ZDHHC23: variants seen among roughly 807,000 people sequenced by gnomAD.
ZDHHC23 encodes zDHHC palmitoyltransferase 23.
ZDHHC23 carries 41 observed loss-of-function variants against 40.2 expected under a neutral mutation model. The observed-to-expected ratio is 1.02, with a 90% confidence interval of 0.79 to 1.32. ZDHHC23 has a LOEUF of 1.32. ZDHHC23 is among the 40% of genes most tolerant of loss of function. The pLI is 0.00. For synonymous variants in ZDHHC23, 204 were observed against 210.2 expected (o/e 0.97, Z 0.26); for missense variants, 471 against 541.5 (o/e 0.87, Z 1.29).
At position 113,954,288 on chromosome 3, in the gene ZDHHC23, T is replaced by A; in HGVS notation, c.750T>A (p.Ala250=). 2 of 1,614,076 alleles carry A rather than the reference T, an allele frequency of 1.2e-6. No individual in the cohort carries two copies. Among genetic ancestry groups the A allele is most frequent in the South Asian group, 2.2e-5 (2 of 91,078 alleles). Residue 250 remains alanine (A), a synonymous_variant, in exon 3 of 5, where the codon GCT becomes GCA. Transcript: ENST00000638807. ...DDPKGSSKMP[A]GSPTKAKEDW... is the part of the protein sequence containing the mutation. ...CCAAGGGCTCTTCCAAGATGCCAGC[T>A]GGAAGCCCCACCAAAGCGAAGGAGG...
At chr3:113,965,286 C>T (rs202012960), downstream of ZDHHC23, 31 of 1,612,722 alleles carry the variant, frequency 1.9e-5, no homozygotes, top group African/African-American at 3.9e-4. Context: ...TGTCGCCTTT[C>T]TTCTTTTACT....
chr3:113,965,896 GTTATTT>G (rs1451878178), downstream of ZDHHC23, among the ~76,000 whole-genome samples: 1 of 152,004 alleles, frequency 6.6e-6, no homozygotes, highest in Non-Finnish European at 1.5e-5. Context: ...TGCCTGGCCA[GTTATTT>G]TTATTTTTGA....
chr3:113,960,755 T>A lies in ZDHHC23; in HGVS notation c.*2125T>A, dbSNP rs202235136. Reference sequence around the variant, plus strand: ...ATGAGCCAACTCCGCTTCCTTCCCATGGATAGGAAGGGACTCTGTGTATTA... The same window carrying A: ...ATGAGCCAACTCCGCTTCCTTCCCAAGGATAGGAAGGGACTCTGTGTATTA... On this transcript the variant is annotated 3_prime_UTR_variant, in exon 5 of 5. Transcript: ENST00000638807. The A allele has an allele frequency of 6.4e-7, 1 of 1,561,432 alleles. No individual in the cohort carries two copies. The highest frequency in any genetic ancestry group is 8.6e-7 in the Non-Finnish European group (1 of 1,160,968).
Position 113,959,674 on chromosome 3 carries a change from A to G in ZDHHC23, c.*1044A>G, listed in dbSNP as rs974106251. ...TTCAAATGCTGTCAGTTATAGCACT[A>G]AATTGTGAAAATCAGCCTTCTGGCA... On this transcript the variant is annotated 3_prime_UTR_variant, in exon 5 of 5. Coordinates refer to ENST00000638807, the MANE Select transcript of ZDHHC23 (RefSeq NM_001320466.2). 15 of 1,138,978 alleles carry G rather than the reference A, an allele frequency of 1.3e-5. No individual in the cohort carries two copies. The East Asian group carries it at 8.4e-4, about 64-fold the overall frequency. 70.6% of individuals were successfully genotyped at this position (1,138,978 alleles called of 1,614,324 possible).
chr3:113,967,452 A>T (rs751479214), downstream of ZDHHC23, among the ~76,000 whole-genome samples: 3 of 150,798 alleles, frequency 2.0e-5, no homozygotes, highest in Non-Finnish European at 4.5e-5. Context: ...AAACATATTC[A>T]TGATCACTGG....
intron 2 of ZDHHC23, among the ~76,000 whole-genome samples, chr3:113,952,778 C>T (rs540912080): frequency 9.2e-5 from 14 of 152,322 alleles, no homozygotes; most frequent in Non-Finnish European, 1.6e-4. Flanking sequence ...GTGAGGTCTC[C>T]TCAGCTTCAT....
At position 113,959,315 on chromosome 3, in the gene ZDHHC23, T is replaced by C. The variant is rs1420083474; in HGVS notation, c.*685T>C. On this transcript the variant is annotated 3_prime_UTR_variant, in exon 5 of 5. Coordinates refer to ENST00000638807, the MANE Select transcript of ZDHHC23 (RefSeq NM_001320466.2). ...ACATGAACTACTCAAACAGAGAAGA[T>C]GACCAGATGGATTGATGCTAAGTTG... The C allele has an allele frequency of 2.7e-6, 3 of 1,099,682 alleles. No individual in the cohort carries two copies. Among genetic ancestry groups the C allele is most frequent in the East Asian group, 6.0e-5 (1 of 16,632 alleles). The allele number at this position is 1,099,682 out of a possible 1,614,324, so 68.1% of individuals were successfully genotyped here.
the ZDHHC23 span, among the ~76,000 whole-genome samples, chr3:113,972,937 T>C: frequency 6.6e-6 from 1 of 152,178 alleles, no homozygotes; most frequent in African/African-American, 2.4e-5. Context: ...TTTCAGTCTA[T>C]GTATGTCTTT....
chr3:113,948,595 C>G (rs1428140379), intron 1 of ZDHHC23, 91 bp from the exon 2 acceptor site: 3 of 562,754 alleles, frequency 5.3e-6, no homozygotes, highest in Admixed American at 3.1e-5. Context: ...TCCAAGAACC[C>G]TGGAGCCCCC....
chr3:113,978,820 A>G, the ZDHHC23 span: 2 of 1,586,778 alleles, frequency 1.3e-6, no homozygotes, highest in Admixed American at 1.8e-5. Context: ...GAATTGAGCA[A>G]TGAGATGTAT....
rs968871360 is a variant in ZDHHC23, at chr3:113,959,803, A to G, written c.*1173A>G. The G allele has an allele frequency of 9.5e-7, 1 of 1,055,778 alleles. No individual in the cohort carries two copies. The highest frequency in any genetic ancestry group is 1.2e-6 in the Non-Finnish European group (1 of 863,656). 65.4% of individuals were successfully genotyped at this position (1,055,778 alleles called of 1,614,324 possible). ...CCTCCCTAAATAACAGTATCTCACT[A>G]AGAGAGAAGAAACAGGGTATATGTG... On this transcript the variant is annotated 3_prime_UTR_variant, in exon 5 of 5. Transcript: ENST00000638807.
At chr3:113,963,410 C>T (rs944460696), downstream of ZDHHC23, 4 of 151,674 alleles carry the variant, frequency 2.6e-5, no homozygotes, top group Non-Finnish European at 2.9e-5. Flanking sequence ...GGCATGTTGA[C>T]TTAAGGAACT....
At chr3:113,975,368 T>TA in the ZDHHC23 span, among the ~76,000 whole-genome samples, 10 of 152,238 alleles carry the variant, frequency 6.6e-5, no homozygotes, top group African/African-American at 2.4e-4. Flanking sequence ...TATATGGTAT[T>TA]ATTTCATTCA....
intron 1 of ZDHHC23, 81 bp from the exon 2 acceptor site, chr3:113,948,605 C>A: frequency 1.7e-6 from 1 of 587,280 alleles, no homozygotes; most frequent in Non-Finnish European, 2.9e-6. Context: ...CTGGAGCCCC[C>A]TGTGTGGCCA....
At chr3:113,954,541 T>G (rs1052352976) in intron 3 of ZDHHC23, 131 bp downstream of exon 3, 2 of 844,314 alleles carry the variant, frequency 2.4e-6, no homozygotes, top group East Asian at 5.6e-5. Flanking sequence ...ATTTGTGGGT[T>G]GTTGTGATGT....
the ZDHHC23 span, among the ~76,000 whole-genome samples, chr3:113,979,311 G>A: frequency 1.3e-5 from 2 of 152,268 alleles, no homozygotes; most frequent in African/African-American, 4.8e-5. Context: ...GTTTTGGAGT[G>A]GGTAGCTGGC....
chr3:113,948,666 TCTC>T lies in ZDHHC23; in HGVS notation c.-117-19_-117-17del. On this transcript the variant is annotated splice_polypyrimidine_tract_variant and intron_variant, in intron 1 of 4. Transcript: ENST00000638807. ...AACGGGACCCCCTCCCCCTCTCTCT[TCTC>T]ATTTTTGATTGCTCAGGCGTTGGAG... 9.7e-7 allele frequency: 1 copy of T among 1,031,728 alleles called. No homozygotes were observed. The highest frequency in any genetic ancestry group is 1.4e-6 in the Non-Finnish European group (1 of 719,690). The allele number at this position is 1,031,728 out of a possible 1,614,324, so 63.9% of individuals were successfully genotyped here. A position where few individuals can be genotyped will look rare whatever the true frequency, so the allele number is the denominator to read the frequency against.
At chr3:113,971,652 TG>T in the ZDHHC23 span, among the ~76,000 whole-genome samples, 1 of 152,188 alleles carries the variant, frequency 6.6e-6, no homozygotes, top group Non-Finnish European at 1.5e-5. Flanking sequence ...ATCATGTCCT[TG>T]TTTGGTTTTG....
At chr3:113,978,773 CCTGGACATT>C in the ZDHHC23 span, 1 of 1,421,488 alleles carries the variant, frequency 7.0e-7, no homozygotes, top group East Asian at 2.3e-5. Flanking sequence ...ACATAATGAC[CCTGGACATT>C]CTGGATTTCA....
Sources: gnomAD v4.1 joint callset for allele counts (sites outside exome capture counted in the v4.1 genomes callset) on GRCh38, gnomAD v4.1.1 for gene constraint, MANE v1.5 for transcripts, NCBI Gene and HGNC (gene_info 2026-07-23, HGNC 2026-07-21) for gene names.